The following SPIDR variants were observed in gnomAD, a reference collection of about 807,000 sequenced individuals.
SPIDR encodes the protein scaffold protein involved in DNA repair.
Under a neutral mutation model 104.6 loss-of-function variants are expected in SPIDR, and 93 were observed. The ratio of observed to expected loss-of-function variants is 0.89; its 90% CI spans 0.75 to 1.06. The LOEUF is 1.06. Ranked by LOEUF, SPIDR falls within the 50% of genes least tolerant of loss-of-function variation. The pLI is 0.00. For missense variants in SPIDR, 1,154 were observed against 1,111.2 expected, an observed-to-expected ratio of 1.04 and a Z score of -0.55; for synonymous variants, 431 against 416.9, an observed-to-expected ratio of 1.03 and a Z score of -0.41.
At chr8:47,294,268 G>C in intron 5 of SPIDR, 1 of 430,914 alleles carries the variant, frequency 2.3e-6, no homozygotes, top group East Asian at 4.1e-5. Flanking sequence ...ACTGCACACC[G>C]AATGTTTTTT....
At chr8:47,713,689 T>C in intron 16 of SPIDR, 48 bp downstream of exon 16, 1 of 1,600,322 alleles carries the variant, frequency 6.2e-7, no homozygotes, top group Non-Finnish European at 8.5e-7. Context: ...TCTTAACTGT[T>C]ATACTTTATA....
chr8:47,663,425 GGCA>G lies in SPIDR; in HGVS notation c.1545-10374_1545-10372del, dbSNP rs1271422408. ...CACCTCACAGAGGGCCTATCCAGGA[GGCA>G]GTCCTGCTGTATTTAGCACATGAAT... On this transcript the variant is annotated intron_variant, in intron 10 of 19. Transcript: ENST00000297423. 3.9e-5 allele frequency among the ~76,000 whole-genome samples: 6 copies of G among 152,342 alleles called. No individual in the cohort carries two copies. The South Asian group carries it at 1.2e-3, about 32-fold the overall frequency.
intron 8 of SPIDR, chr8:47,511,865 ACCTCTGGCCTTCCT>A (rs1448616982): frequency 1.5e-5 from 12 of 825,676 alleles, no homozygotes; most frequent in Non-Finnish European, 2.6e-5. Context: ...CCGGCATAAA[ACCTCTGGCCTTCCT>A]CCTCTTCCTC....
intron 5 of SPIDR, among the ~76,000 whole-genome samples, chr8:47,370,700 T>C (rs1265266130): frequency 6.6e-6 from 1 of 151,964 alleles, no homozygotes; most frequent in East Asian, 1.9e-4. Context: ...TCCACCCACC[T>C]CAGCCTCCCA....
chr8:47,729,919 A>G (rs1009900093), intron 19 of SPIDR, among the ~76,000 whole-genome samples: 3 of 152,108 alleles, frequency 2.0e-5, no homozygotes, highest in African/African-American at 4.8e-5. Context: ...GGGTTTCACC[A>G]TGCTGGCCAG....
chr8:47,438,841 A>T (rs1401371083), intron 7 of SPIDR, among the ~76,000 whole-genome samples: 4 of 152,208 alleles, frequency 2.6e-5, no homozygotes, highest in Non-Finnish European at 5.9e-5. Flanking sequence ...AAAGGAAGGG[A>T]TGAAAAATTT....
intron 10 of SPIDR, among the ~76,000 whole-genome samples, chr8:47,601,892 T>C (rs527543624): frequency 6.6e-6 from 1 of 152,320 alleles, no homozygotes; most frequent in African/African-American, 2.4e-5. Context: ...GAGATGTCTT[T>C]GGGTACAAGA....
intron 8 of SPIDR, among the ~76,000 whole-genome samples, chr8:47,464,272 GACTACA>G (rs1564044281): frequency 2.6e-5 from 4 of 152,006 alleles, no homozygotes; most frequent in Non-Finnish European, 5.9e-5. Flanking sequence ...AAACAGTATC[GACTACA>G]ATAGTATTTT....
At chr8:47,593,133 G>T (rs111599186) in intron 8 of SPIDR, among the ~76,000 whole-genome samples, 1 of 152,062 alleles carries the variant, frequency 6.6e-6, no homozygotes, top group African/African-American at 2.4e-5. Context: ...GTGATCGCCC[G>T]CCTCGGCCTC....
At chr8:47,345,685 T>A (rs2051816465) in intron 5 of SPIDR, among the ~76,000 whole-genome samples, 2 of 152,310 alleles carry the variant, frequency 1.3e-5, no homozygotes, top group Middle Eastern at 6.8e-3. Flanking sequence ...TCAAATCCCT[T>A]GTAAGTTGGA....
chr8:47,679,918 C>T (rs1387374818), intron 11 of SPIDR, among the ~76,000 whole-genome samples: 1 of 152,222 alleles, frequency 6.6e-6, no homozygotes, highest in Non-Finnish European at 1.5e-5. Flanking sequence ...GTGGGATGCA[C>T]ATTAGGTGTT....
At chr8:47,566,740 CACA>C (rs1477681735) in intron 8 of SPIDR, among the ~76,000 whole-genome samples, 1 of 151,676 alleles carries the variant, frequency 6.6e-6, no homozygotes, top group Admixed American at 6.6e-5. Context: ...ATGTGCAGGA[CACA>C]ACATTAGGCA....
At chr8:47,338,327 A>C (rs1554611238) in intron 5 of SPIDR, among the ~76,000 whole-genome samples, 3 of 152,240 alleles carry the variant, frequency 2.0e-5, no homozygotes. Context: ...CATGACCAGA[A>C]AGTTTGAAAT....
At chr8:47,363,061 A>G (rs1286917173) in intron 5 of SPIDR, among the ~76,000 whole-genome samples, 3 of 152,154 alleles carry the variant, frequency 2.0e-5, no homozygotes, top group African/African-American at 7.2e-5. Flanking sequence ...CTACCTGGTA[A>G]ATTGACAGGG....
At chr8:47,461,042 A>G (rs1271303769) in intron 8 of SPIDR, among the ~76,000 whole-genome samples, 1 of 152,130 alleles carries the variant, frequency 6.6e-6, no homozygotes, top group Non-Finnish European at 1.5e-5. Flanking sequence ...TAATCTGATC[A>G]GTTTTTCTTT....
chr8:47,369,959 T>C (rs1258887333), intron 5 of SPIDR, among the ~76,000 whole-genome samples: 1 of 152,178 alleles, frequency 6.6e-6, no homozygotes, highest in African/African-American at 2.4e-5. Context: ...GGGAGAGTCT[T>C]TTCCTTTAAC....
intron 1 of SPIDR, chr8:47,279,483 A>C: frequency 1.2e-5 from 2 of 169,830 alleles, no homozygotes; most frequent in Non-Finnish European, 2.6e-5. Context: ...TCTCAGTTCT[A>C]TCAGACACTG....
rs186978805 is a variant in SPIDR at position 47,389,172 on chromosome 8, A to G, written c.526-7204A>G. ...CCATTGCAGATGTTTTAATGCTATA[A>G]AAGATCCTGACTTACTCATCTGTAT... On this transcript the variant is annotated intron_variant, in intron 5 of 19. Transcript: ENST00000297423. 4.7e-3 allele frequency among the ~76,000 whole-genome samples: 718 copies of G among 152,338 alleles called. 7 individuals are homozygous for G. Among genetic ancestry groups the G allele is most frequent in the Non-Finnish European group, 6.9e-3 (468 of 68,032 alleles).
chr8:47,417,046 T>G (rs577984389), intron 7 of SPIDR, among the ~76,000 whole-genome samples: 2 of 152,330 alleles, frequency 1.3e-5, no homozygotes, highest in Non-Finnish European at 1.5e-5. Context: ...TTTGGGTTGG[T>G]TCCAAGTCTT....
Sources: gnomAD v4.1 joint callset for allele counts (sites outside exome capture counted in the v4.1 genomes callset) on GRCh38, gnomAD v4.1.1 for gene constraint, MANE v1.5 for transcripts, NCBI Gene and HGNC (gene_info 2026-07-23, HGNC 2026-07-21) for gene names.